The following MICU3 variants were observed in gnomAD, a reference collection of about 807,000 sequenced individuals.
MICU3 encodes mitochondrial calcium uptake 3.
Under a neutral mutation model 66.5 loss-of-function variants are expected in MICU3, and 62 were observed. The ratio of observed to expected loss-of-function variants is 0.93; its 90% CI spans 0.76 to 1.15. The LOEUF is 1.15. MICU3 is among the 50% of genes most tolerant of loss of function. The probability of loss-of-function intolerance (pLI) is 0.00; values close to 1 mark genes in which losing one functional copy is unlikely to be tolerated. For missense variants in MICU3, 779 were observed against 664.4 expected (o/e 1.17, Z -1.90); for synonymous variants, 308 against 240.7 (o/e 1.28, Z -2.59).
At chr8:17,062,248 T>A (rs1275122654) in intron 1 of MICU3, among the ~76,000 whole-genome samples, 1 of 152,200 alleles carries the variant, frequency 6.6e-6, no homozygotes, top group South Asian at 2.1e-4. Context: ...CCTGAAGCCT[T>A]CTTTTTAAGC....
At chr8:17,117,272 C>T (rs536937791) in intron 13 of MICU3, among the ~76,000 whole-genome samples, 2 of 152,292 alleles carry the variant, frequency 1.3e-5, no homozygotes, top group South Asian at 2.1e-4. Context: ...ACCACCACAC[C>T]TGGCCACTAT....
At chr8:17,090,821 G>A (rs1393951690) in intron 8 of MICU3, 1 of 344,710 alleles carries the variant, frequency 2.9e-6, no homozygotes, top group East Asian at 4.8e-5. Context: ...TAAGGAAAAG[G>A]TAAGTGTACA....
intron 3 of MICU3, among the ~76,000 whole-genome samples, chr8:17,071,564 G>T (rs1426631833): frequency 6.6e-6 from 1 of 151,982 alleles, no homozygotes; most frequent in African/African-American, 2.4e-5. Flanking sequence ...CATATGAATC[G>T]GGGAGAGGGG....
the MICU3 span, among the ~76,000 whole-genome samples, chr8:17,136,837 CT>C: frequency 5.8e-3 from 815 of 140,238 alleles, 3 homozygotes; most frequent in African/African-American, 8.0e-3. Flanking sequence ...GGAGATAAAC[CT>C]TTTTTTTTTT....
chr8:17,029,068 A>C lies in MICU3; in HGVS notation c.381+1408A>C, dbSNP rs75737737. On this transcript the variant is annotated intron_variant, in intron 1 of 14. Coordinates refer to ENST00000318063, the MANE Select transcript of MICU3 (RefSeq NM_181723.3). Reference sequence around the variant, plus strand: ...TATGGAGAAATTACTTGACCTGTCAATGCCTGTTTCCTCACCTGTGAAATG... The same window carrying C: ...TATGGAGAAATTACTTGACCTGTCACTGCCTGTTTCCTCACCTGTGAAATG... Among the ~76,000 whole-genome samples the C allele has an allele frequency of 4.6e-3, 702 of 152,344 alleles. 6 individuals carry two copies. The highest frequency in any genetic ancestry group is 0.016 in the African/African-American group (654 of 41,580).
the MICU3 span, among the ~76,000 whole-genome samples, chr8:17,130,599 A>T: frequency 6.6e-6 from 1 of 152,206 alleles, no homozygotes; most frequent in African/African-American, 2.4e-5. Context: ...ATTATTTGGT[A>T]ATATCGCAAA....
chr8:17,118,873 A>G, intron 14 of MICU3, 98 bp downstream of exon 14: 1 of 665,438 alleles, frequency 1.5e-6, no homozygotes, highest in Non-Finnish European at 2.4e-6. Context: ...AAAGAAATAG[A>G]ATTATCTAAT....
At position 17,070,925 on chromosome 8, in the gene MICU3, T is replaced by C. The variant is rs115038586; in HGVS notation, c.567+1206T>C. Among the ~76,000 whole-genome samples, 866 of 152,260 alleles carry C rather than the reference T, an allele frequency of 5.7e-3. 9 individuals carry two copies. The highest frequency in any genetic ancestry group is 0.02 in the African/African-American group (832 of 41,572). On this transcript the variant is annotated intron_variant, in intron 3 of 14. Coordinates refer to ENST00000318063, the MANE Select transcript of MICU3 (RefSeq NM_181723.3). ...AAGTGCCTAACAGGTGGGTAGCATA[T>C]ACAGCGTGGATATACTGGGTAAAGG...
At chr8:17,119,532 C>CATACATAG (rs1554541220) in intron 14 of MICU3, among the ~76,000 whole-genome samples, 3 of 124,100 alleles carry the variant, frequency 2.4e-5, no homozygotes, top group Non-Finnish European at 4.9e-5. Context: ...AAGCTTGAAG[C>CATACATAG]ATAGATAGAT....
chr8:17,104,540 C>A, intron 10 of MICU3, 49 bp downstream of exon 10: 2 of 999,656 alleles, frequency 2.0e-6, no homozygotes, highest in South Asian at 4.8e-5. Flanking sequence ...CTACTGAAAT[C>A]AGAAGGATCT....
At chr8:17,073,484 C>A (rs1313877648) in intron 3 of MICU3, among the ~76,000 whole-genome samples, 3 of 152,052 alleles carry the variant, frequency 2.0e-5, no homozygotes, top group African/African-American at 7.2e-5. Flanking sequence ...TGCAAGAAAA[C>A]AAGCTCAGGA....
the MICU3 span, among the ~76,000 whole-genome samples, chr8:17,136,992 G>A: frequency 4.0e-5 from 6 of 151,832 alleles, no homozygotes; most frequent in Admixed American, 2.0e-4. Context: ...ACGCCACCAC[G>A]CCCAGCTAAT....
At chr8:17,123,375 C>G (rs575620747), downstream of MICU3, among the ~76,000 whole-genome samples, 1 of 151,330 alleles carries the variant, frequency 6.6e-6, no homozygotes, top group Non-Finnish European at 1.5e-5. Context: ...GAGAGGTGTA[C>G]TTACGAAAAA....
intron 1 of MICU3, among the ~76,000 whole-genome samples, chr8:17,048,097 A>G (rs1197008063): frequency 6.6e-6 from 1 of 152,206 alleles, no homozygotes; most frequent in African/African-American, 2.4e-5. Flanking sequence ...CCTACATGTG[A>G]TAAGTAAAAC....
intron 2 of MICU3, among the ~76,000 whole-genome samples, chr8:17,066,539 A>G (rs1818726958): frequency 8.7e-6 from 1 of 115,012 alleles, no homozygotes; most frequent in Middle Eastern, 3.9e-3. Flanking sequence ...ATATATATAT[A>G]TAGATTTTTT....
At chr8:17,034,115 T>C (rs1199487707) in intron 1 of MICU3, among the ~76,000 whole-genome samples, 1 of 152,210 alleles carries the variant, frequency 6.6e-6, no homozygotes, top group Non-Finnish European at 1.5e-5. Flanking sequence ...GCAGTGCTCA[T>C]TTACCATTCT....
intron 7 of MICU3, among the ~76,000 whole-genome samples, chr8:17,089,786 A>G (rs6587015): frequency 0.28 from 42,574 of 151,970 alleles, 6,341 homozygotes; most frequent in East Asian, 0.56. Flanking sequence ...TAACCATGTG[A>G]AATGTAATAA....
At chr8:17,095,239 T>G (rs1282510868) in intron 8 of MICU3, among the ~76,000 whole-genome samples, 2 of 152,014 alleles carry the variant, frequency 1.3e-5, no homozygotes, top group African/African-American at 4.8e-5. Flanking sequence ...TTCTTTTGTC[T>G]TTAGCAGTTT....
intron 8 of MICU3, among the ~76,000 whole-genome samples, chr8:17,092,884 G>T (rs928063004): frequency 1.3e-5 from 2 of 151,944 alleles, no homozygotes; most frequent in Non-Finnish European, 2.9e-5. Flanking sequence ...ATAGATCATG[G>T]AGCTGGATAT....
Sources: allele counts gnomAD v4.1 joint callset (sites outside exome capture counted in the v4.1 genomes callset), GRCh38; gene constraint gnomAD v4.1.1; transcripts MANE v1.5; gene names NCBI Gene and HGNC (gene_info 2026-07-23, HGNC 2026-07-21).